WDR7: variants seen among roughly 807,000 people sequenced by gnomAD.
WDR7 encodes the protein WD repeat-containing protein 7.
A neutral mutation model predicts 169.4 loss-of-function variants in WDR7; 46 were observed. The observed-to-expected ratio is 0.27, with a 90% CI of 0.21 to 0.35. The LOEUF (loss-of-function observed/expected upper bound fraction) is 0.35, where lower values mean the gene tolerates loss of function less well. Among genes scored for constraint, WDR7 ranks in the 10% least tolerant of loss-of-function variants. The probability of loss-of-function intolerance (pLI) is 1.00; values close to 1 mark genes in which losing one functional copy is unlikely to be tolerated. For synonymous variants in WDR7, 612 were observed against 666.8 expected, an observed-to-expected ratio of 0.92 and a Z score of 1.27; for missense variants, 1,534 against 1,859.3, an observed-to-expected ratio of 0.83 and a Z score of 3.22.
At chr18:56,982,603 T>C (rs1004101684) in intron 26 of WDR7, among the ~76,000 whole-genome samples, 5 of 152,194 alleles carry the variant, frequency 3.3e-5, no homozygotes, top group Admixed American at 6.5e-5. Flanking sequence ...GAGAGCTGTT[T>C]ACTACAGCCT....
intron 16 of WDR7, among the ~76,000 whole-genome samples, chr18:56,774,698 A>G (rs948286139): frequency 6.6e-6 from 1 of 152,146 alleles, no homozygotes; most frequent in South Asian, 2.1e-4. Flanking sequence ...AAGCTGTAGC[A>G]GAGTTTAATT....
At chr18:56,986,503 T>G (rs2047722282) in intron 26 of WDR7, among the ~76,000 whole-genome samples, 1 of 152,152 alleles carries the variant, frequency 6.6e-6, no homozygotes, top group Non-Finnish European at 1.5e-5. Context: ...CTTTTAAAAA[T>G]GTCAAACCAC....
At chr18:56,740,548 A>G (rs1390006558) in intron 14 of WDR7, among the ~76,000 whole-genome samples, 1 of 152,194 alleles carries the variant, frequency 6.6e-6, no homozygotes, top group Non-Finnish European at 1.5e-5. Flanking sequence ...TCTGCTGTTC[A>G]GATAGAATAA....
chr18:56,685,773 G>C (rs1340735665), intron 5 of WDR7, among the ~76,000 whole-genome samples, 183 bp from the exon 6 acceptor site: 1 of 152,058 alleles, frequency 6.6e-6, no homozygotes, highest in Non-Finnish European at 1.5e-5. Context: ...TTAAGTTGTT[G>C]GCCATCTTTA....
chr18:57,010,346 AAAC>A (rs2048119530), intron 26 of WDR7: 2 of 947,700 alleles, frequency 2.1e-6, no homozygotes, highest in South Asian at 9.8e-5. Flanking sequence ...CTTTTATTTA[AAAC>A]AACCACATTT....
chr18:57,011,936 G>A (rs2048142564), intron 26 of WDR7, among the ~76,000 whole-genome samples: 1 of 152,226 alleles, frequency 6.6e-6, no homozygotes, highest in Non-Finnish European at 1.5e-5. Context: ...CTTAAAAAGT[G>A]CTTATTTATG....
At chr18:57,016,414 G>C (rs1317248291) in intron 26 of WDR7, among the ~76,000 whole-genome samples, 1 of 152,108 alleles carries the variant, frequency 6.6e-6, no homozygotes, top group African/African-American at 2.4e-5. Flanking sequence ...AAATGGTTTA[G>C]ATAGGATTTT....
At position 56,731,464 on chromosome 18, in the gene WDR7, A is replaced by G; in HGVS notation, c.1856A>G (p.Asp619Gly). 1 of 1,614,150 alleles carries G rather than the reference A, an allele frequency of 6.2e-7. No homozygotes were observed. The highest frequency in any genetic ancestry group is 8.5e-7 in the Non-Finnish European group (1 of 1,180,018). The change falls in exon 14 of 28, where the codon GAT (aspartate) becomes GGT (glycine). Residue 619 changes from aspartate to glycine, a missense_variant. Coordinates refer to ENST00000254442, the MANE Select transcript of WDR7 (RefSeq NM_015285.3). ...GATGAAGCTGTTCCTGCTGCTGTTG[A>G]TTCACTTAGTCATCCAGCAGTCAAC... ...ACDEAVPAAV[D>G]SLSHPAVNLK...
intron 16 of WDR7, among the ~76,000 whole-genome samples, chr18:56,764,073 T>C (rs1357479672): frequency 6.6e-6 from 1 of 152,088 alleles, no homozygotes; most frequent in Non-Finnish European, 1.5e-5. Context: ...ATTTATTTTT[T>C]CTATTTTAAA....
intron 19 of WDR7, among the ~76,000 whole-genome samples, chr18:56,787,940 GGA>G (rs1186460350): frequency 6.6e-6 from 1 of 152,142 alleles, no homozygotes; most frequent in East Asian, 1.9e-4. Flanking sequence ...GGAAGGATAG[GGA>G]GAGAGTTTGA....
At chr18:56,952,835 A>G (rs1568283563) in intron 25 of WDR7, among the ~76,000 whole-genome samples, 1 of 152,336 alleles carries the variant, frequency 6.6e-6, no homozygotes, top group East Asian at 1.9e-4. Context: ...AATGCAAGAA[A>G]TCAATCTGGA....
At chr18:56,697,828 TAA>T (rs2025736315) in intron 12 of WDR7, among the ~76,000 whole-genome samples, 1 of 152,166 alleles carries the variant, frequency 6.6e-6, no homozygotes, top group South Asian at 2.1e-4. Context: ...TGTGAGAGAA[TAA>T]AATATTTAAA....
At chr18:56,742,657 G>A (rs2043638186) in intron 14 of WDR7, among the ~76,000 whole-genome samples, 1 of 152,186 alleles carries the variant, frequency 6.6e-6, no homozygotes, top group Non-Finnish European at 1.5e-5. Flanking sequence ...TAAAGTAGCG[G>A]GGTTGGCTGA....
At chr18:56,913,296 C>T (rs544328608) in intron 21 of WDR7, among the ~76,000 whole-genome samples, 35 of 152,156 alleles carry the variant, frequency 2.3e-4, no homozygotes, top group African/African-American at 7.7e-4. Context: ...CAAAACTAAA[C>T]TTTGGATAAC....
chr18:56,815,057 G>A (rs527465167), intron 19 of WDR7, among the ~76,000 whole-genome samples: 227 of 152,228 alleles, frequency 1.5e-3, no homozygotes, highest in African/African-American at 5.1e-3. Context: ...ACCGGAGGTA[G>A]CAAGGCTGAA....
chr18:56,930,755 C>T (rs1357085146), intron 22 of WDR7, among the ~76,000 whole-genome samples: 1 of 152,080 alleles, frequency 6.6e-6, no homozygotes, highest in African/African-American at 2.4e-5. Flanking sequence ...TTTGATGTGG[C>T]CTATTTTCAT....
chr18:56,811,283 T>C (rs1282878043), intron 19 of WDR7, among the ~76,000 whole-genome samples: 1 of 152,188 alleles, frequency 6.6e-6, no homozygotes, highest in African/African-American at 2.4e-5. Flanking sequence ...CATTCGCTAG[T>C]ACTAAAATTG....
At chr18:56,955,654 GGATGATGAT>G (rs34888311) in intron 25 of WDR7, among the ~76,000 whole-genome samples, 15 of 150,268 alleles carry the variant, frequency 1.0e-4, no homozygotes, top group South Asian at 2.1e-4. Flanking sequence ...AGATGCAGAT[GGATGATGAT>G]GATGATGATG....
intron 14 of WDR7, among the ~76,000 whole-genome samples, chr18:56,734,940 G>C (rs141343473): frequency 6.6e-6 from 1 of 152,138 alleles, no homozygotes; most frequent in African/African-American, 2.4e-5. Context: ...AATTTAGTAG[G>C]AAGTTAGTTT....
Sources: gnomAD v4.1 joint callset for allele counts (sites outside exome capture counted in the v4.1 genomes callset) on GRCh38, gnomAD v4.1.1 for gene constraint, MANE v1.5 for transcripts, NCBI Gene and HGNC (gene_info 2026-07-23, HGNC 2026-07-21) for gene names.